EPHA3: variants seen among roughly 807,000 people sequenced by gnomAD.
EPHA3 encodes the protein ephrin type-A receptor 3.
EPHA3 carries 42 observed loss-of-function variants against 107.1 expected under a neutral mutation model. The observed-to-expected ratio is 0.39, with a 90% CI of 0.31 to 0.51. The LOEUF is 0.51. Ranked by LOEUF, EPHA3 falls within the 20% of genes least tolerant of loss-of-function variation. EPHA3 has a pLI of 0.78. For missense variants in EPHA3, 1,183 were observed against 1,211.2 expected, an observed-to-expected ratio of 0.98 and a Z score of 0.35; for synonymous variants, 461 against 424.8, an observed-to-expected ratio of 1.09 and a Z score of -1.05.
At chr3:89,384,110 C>T (rs1481649579) in intron 5 of EPHA3, among the ~76,000 whole-genome samples, 1 of 152,042 alleles carries the variant, frequency 6.6e-6, no homozygotes, top group African/African-American at 2.4e-5. Context: ...ATTGTTCAGA[C>T]TAAAAAGTTG....
At chr3:89,477,170 C>A (rs73846194) in intron 16 of EPHA3, among the ~76,000 whole-genome samples, 5,140 of 152,154 alleles carry the variant, frequency 0.034, 283 homozygotes, top group African/African-American at 0.12. Flanking sequence ...TTCTCAAAGG[C>A]AGGGATCAAC....
At chr3:89,255,916 A>G (rs1377119673) in intron 3 of EPHA3, among the ~76,000 whole-genome samples, 2 of 151,460 alleles carry the variant, frequency 1.3e-5, no homozygotes, top group Non-Finnish European at 2.9e-5. Flanking sequence ...ATAAATAAAT[A>G]AATAAATAAA....
intron 5 of EPHA3, among the ~76,000 whole-genome samples, chr3:89,392,858 TA>T (rs533981637): frequency 0.013 from 1,959 of 152,126 alleles, 40 homozygotes; most frequent in African/African-American, 0.044. Flanking sequence ...TCACAGCACA[TA>T]AAAAAATCGA....
At chr3:89,263,344 T>A (rs1469617176) in intron 3 of EPHA3, among the ~76,000 whole-genome samples, 1 of 152,148 alleles carries the variant, frequency 6.6e-6, no homozygotes, top group Non-Finnish European at 1.5e-5. Flanking sequence ...CCTTTTTGCG[T>A]GAGGAGGCTG....
At chr3:89,307,997 A>G (rs1179959644) in intron 3 of EPHA3, among the ~76,000 whole-genome samples, 2 of 152,294 alleles carry the variant, frequency 1.3e-5, no homozygotes, top group Admixed American at 1.3e-4. Flanking sequence ...TGCTATTGAA[A>G]ATTGACTCTT....
chr3:89,173,258 T>A (rs370320026), intron 2 of EPHA3, among the ~76,000 whole-genome samples: 14 of 152,094 alleles, frequency 9.2e-5, no homozygotes, highest in African/African-American at 3.4e-4. Flanking sequence ...TATAGAATGT[T>A]TTTTGTCAGA....
chr3:89,197,982 AT>A (rs778089290), intron 2 of EPHA3, among the ~76,000 whole-genome samples: 4 of 152,152 alleles, frequency 2.6e-5, no homozygotes, highest in African/African-American at 4.8e-5. Context: ...TCTCAAAAAA[AT>A]AAAAATAAAA....
intron 2 of EPHA3, among the ~76,000 whole-genome samples, chr3:89,136,703 G>C (rs1704323549): frequency 6.6e-6 from 1 of 151,646 alleles, no homozygotes; most frequent in African/African-American, 2.4e-5. Flanking sequence ...ATTTCCTCCA[G>C]CTTTACTCAT....
chr3:89,193,092 A>T (rs780088320), intron 2 of EPHA3, among the ~76,000 whole-genome samples: 4 of 152,096 alleles, frequency 2.6e-5, no homozygotes, highest in Non-Finnish European at 5.9e-5. Flanking sequence ...ATAATTGCAT[A>T]ACGTTGTAGT....
chr3:89,434,982 C>T (rs1409168647), intron 13 of EPHA3, among the ~76,000 whole-genome samples: 4 of 152,042 alleles, frequency 2.6e-5, no homozygotes, highest in Non-Finnish European at 4.4e-5. Flanking sequence ...GTAATTTAAA[C>T]ATCATTGATT....
At position 89,183,552 on chromosome 3, in the gene EPHA3, T is replaced by C. The variant is rs188528927; in HGVS notation, c.154-26308T>C. Among the ~76,000 whole-genome samples the C allele has an allele frequency of 6.0e-4, 91 of 151,944 alleles. 1 individual carries two copies. The highest frequency in any genetic ancestry group is 2.1e-3 in the African/African-American group (87 of 41,496). The stretch of plus-strand genomic sequence containing the variant: ...TCTCTATCACTTAGGGTCTTAATAA[T>C]TATTGCCTAAAGTTCTGAAGTACTC... On this transcript the variant is annotated intron_variant, in intron 2 of 16. Coordinates refer to ENST00000336596, the MANE Select transcript of EPHA3 (RefSeq NM_005233.6).
In EPHA3 at chr3:89,407,354, C is replaced by T; in HGVS notation, c.1680C>T (p.Ile560=). 6.2e-7 allele frequency: 1 copy of T among 1,613,270 alleles called. No individual in the cohort carries two copies. The highest frequency in any genetic ancestry group is 1.1e-5 in the South Asian group (1 of 91,054). ...CAATTATTCTCCTCACTGTTGTCAT[C>T]TATGTTTTGATTGGGAGGTGAGTTC... The part of the protein sequence containing the change: ...AVAIILLTVV[I]YVLIGRFCGY... Residue 560 remains isoleucine (I), a synonymous_variant, in exon 8 of 17, where the codon ATC becomes ATT. Coordinates refer to ENST00000336596, the MANE Select transcript of EPHA3 (RefSeq NM_005233.6).
intron 2 of EPHA3, among the ~76,000 whole-genome samples, chr3:89,199,078 G>A (rs1705908853): frequency 2.0e-5 from 3 of 152,034 alleles, no homozygotes; most frequent in Admixed American, 6.6e-5. Flanking sequence ...TAATACTTAA[G>A]GGAAATTTAC....
chr3:89,322,035 T>A (rs1424843696), intron 3 of EPHA3, among the ~76,000 whole-genome samples: 1 of 151,916 alleles, frequency 6.6e-6, no homozygotes, highest in African/African-American at 2.4e-5. Flanking sequence ...TGAATTCTGG[T>A]ACAGATTATT....
chr3:89,229,592 T>G (rs1423004689), intron 3 of EPHA3, among the ~76,000 whole-genome samples: 1 of 151,290 alleles, frequency 6.6e-6, no homozygotes, highest in African/African-American at 2.4e-5. Context: ...ATAATTATAA[T>G]AAGAAAATTT....
chr3:89,127,131 G>T, intron 1 of EPHA3, 78 bp from the exon 2 acceptor site: 1 of 1,092,318 alleles, frequency 9.2e-7, no homozygotes, highest in Non-Finnish European at 1.4e-6. Context: ...ATCAACAACA[G>T]ACAATGTGAA....
At chr3:89,340,869 C>CA (rs1707502065) in intron 3 of EPHA3, 47 bp from the exon 4 acceptor site, 5 of 1,505,066 alleles carry the variant, frequency 3.3e-6, no homozygotes, top group South Asian at 2.7e-5. Flanking sequence ...TACATATTTT[C>CA]AAAAAAATTA....
At chr3:89,413,918 A>G (rs1468942945) in intron 10 of EPHA3, among the ~76,000 whole-genome samples, 7 of 151,738 alleles carry the variant, frequency 4.6e-5, no homozygotes, top group Non-Finnish European at 1.0e-4. Flanking sequence ...TTGTAAAATA[A>G]CAGTATTTTA....
chr3:89,447,095 A>G (rs1466836310), intron 13 of EPHA3, among the ~76,000 whole-genome samples: 3 of 152,136 alleles, frequency 2.0e-5, no homozygotes, highest in Non-Finnish European at 4.4e-5. Flanking sequence ...AAGGGGTAGT[A>G]TTTGAAATTT....
Sources: allele counts gnomAD v4.1 joint callset (sites outside exome capture counted in the v4.1 genomes callset), GRCh38; gene constraint gnomAD v4.1.1; transcripts MANE v1.5; gene names NCBI Gene and HGNC (gene_info 2026-07-23, HGNC 2026-07-21).